Variants in ZNF208 observed in about 807,000 individuals in gnomAD.
The protein encoded by ZNF208 is zinc finger protein 95.
In ZNF208, 10 loss-of-function variants were observed where a neutral mutation model predicts 12.1. That is an observed-to-expected ratio of 0.83 (90% CI 0.51 to 1.40). ZNF208 has a LOEUF of 1.40. Among genes scored for constraint, ZNF208 ranks in the 40% most tolerant of loss-of-function variants. The pLI is 0.00. For missense variants in ZNF208, 1,652 were observed against 1,485.0 expected (o/e 1.11, Z -1.85); for synonymous variants, 497 against 488.4 (o/e 1.02, Z -0.23).
intron 4 of ZNF208, among the ~76,000 whole-genome samples, chr19:21,946,935 C>T (rs1021337074): frequency 6.7e-6 from 1 of 148,542 alleles, no homozygotes; most frequent in African/African-American, 2.5e-5. Context: ...GGCACAAGAA[C>T]TTCCAGTCTT....
intron 1 of ZNF208, among the ~76,000 whole-genome samples, chr19:22,000,100 A>C: frequency 6.6e-6 from 1 of 152,238 alleles, no homozygotes; most frequent in Non-Finnish European, 1.5e-5. Flanking sequence ...TCAGAATCTG[A>C]CACAGTAATA....
chr19:21,954,572 C>T (rs540444104), intron 4 of ZNF208, among the ~76,000 whole-genome samples: 1 of 152,132 alleles, frequency 6.6e-6, no homozygotes, highest in African/African-American at 2.4e-5. Flanking sequence ...TGCATTGATC[C>T]CTTTACCATT....
At chr19:21,963,634 G>C (rs918147526), downstream of ZNF208, among the ~76,000 whole-genome samples, 7 of 151,942 alleles carry the variant, frequency 4.6e-5, no homozygotes, top group Non-Finnish European at 1.5e-5. Context: ...TGCATAGCTA[G>C]ACACTTATTG....
intron 1 of ZNF208, among the ~76,000 whole-genome samples, chr19:21,994,484 G>C (rs1387912095): frequency 2.0e-5 from 3 of 152,122 alleles, no homozygotes; most frequent in Non-Finnish European, 4.4e-5. Flanking sequence ...ATATGAACAG[G>C]GCTGGGGCAG....
chr19:21,951,256 C>G (rs1056081539), intron 4 of ZNF208, among the ~76,000 whole-genome samples: 3 of 152,100 alleles, frequency 2.0e-5, no homozygotes, highest in African/African-American at 7.2e-5. Context: ...TTTATCTGCT[C>G]CTAGCACATA....
chr19:21,991,185 G>C (rs1297024467), intron 1 of ZNF208, among the ~76,000 whole-genome samples: 1 of 152,116 alleles, frequency 6.6e-6, no homozygotes, highest in Admixed American at 6.5e-5. Context: ...TCTTGTGCCA[G>C]TTTTCAAAGG....
At chr19:21,999,979 T>G (rs1970913875) in intron 1 of ZNF208, among the ~76,000 whole-genome samples, 1 of 152,160 alleles carries the variant, frequency 6.6e-6, no homozygotes, top group South Asian at 2.1e-4. Context: ...GCACACTGTG[T>G]GCACTTGAAA....
chr19:21,985,172 T>C (rs1325031600), intron 3 of ZNF208, among the ~76,000 whole-genome samples: 2 of 152,150 alleles, frequency 1.3e-5, no homozygotes, highest in East Asian at 3.9e-4. Flanking sequence ...TTGTATGAGA[T>C]AGAGAGATAT....
rs1970244456 is a variant in ZNF208 at position 21,969,736 on chromosome 19, A to G, written c.*1455T>C. Among the ~76,000 whole-genome samples, 4 of 131,124 alleles carry G rather than the reference A, an allele frequency of 3.1e-5. No individual in the cohort carries two copies. The Admixed American group carries it at 3.1e-4, about 10-fold the overall frequency. 86.0% of individuals were successfully genotyped at this position (131,124 alleles called of 152,430 possible). A position where few individuals can be genotyped will look rare whatever the true frequency, so the allele number is the denominator to read the frequency against. On this transcript the variant is annotated 3_prime_UTR_variant, in exon 4 of 4. Coordinates refer to ENST00000397126, the MANE Select transcript of ZNF208 (RefSeq NM_007153.3). ...AATCTGTGATACAAGTACATGTACT[A>G]CAACCCTCTTAATATTTATAATGTG...
Position 21,970,335 on chromosome 19 carries a change from A to T in ZNF208, c.*856T>A, listed in dbSNP as rs1987570. ...CTTAAGGACTGGTTAAGGGCATTGC[A>T]ACATTCCACACAATTGTAGGAATTC... On this transcript the variant is annotated 3_prime_UTR_variant, in exon 4 of 4. Coordinates refer to ENST00000397126, the MANE Select transcript of ZNF208 (RefSeq NM_007153.3). 6.6e-6 allele frequency among the ~76,000 whole-genome samples: 1 copy of T among 151,872 alleles called. No individual in the cohort carries two copies. The highest frequency in any genetic ancestry group is 1.5e-5 in the Non-Finnish European group (1 of 67,946).
intron 1 of ZNF208, among the ~76,000 whole-genome samples, chr19:21,990,997 G>A (rs1481358522): frequency 2.6e-5 from 4 of 152,214 alleles, no homozygotes; most frequent in African/African-American, 4.8e-5. Context: ...AGCTTAAGGA[G>A]ATTTTGGGCT....
chr19:21,949,803 C>A (rs1182854288), intron 4 of ZNF208, among the ~76,000 whole-genome samples: 2 of 152,222 alleles, frequency 1.3e-5, no homozygotes, highest in African/African-American at 2.4e-5. Flanking sequence ...TGCCTCTGAG[C>A]AGTTTTGGTG....
At chr19:21,954,722 G>A (rs961903521) in intron 4 of ZNF208, among the ~76,000 whole-genome samples, 6 of 152,096 alleles carry the variant, frequency 3.9e-5, no homozygotes, top group African/African-American at 1.4e-4. Context: ...TTGAGCCTAT[G>A]TGTGTCTCTG....
At chr19:21,980,896 C>A (rs1311969819) in intron 3 of ZNF208, among the ~76,000 whole-genome samples, 1 of 152,104 alleles carries the variant, frequency 6.6e-6, no homozygotes, top group African/African-American at 2.4e-5. Context: ...ACTGATTCCA[C>A]AGAAATACAA....
chr19:22,007,840 TTAAAAATACAAAAAGTAGCCAGGTG>T (rs1568459312), intron 1 of ZNF208, among the ~76,000 whole-genome samples: 1 of 150,726 alleles, frequency 6.6e-6, no homozygotes, highest in Non-Finnish European at 1.5e-5. Context: ...CCCATCTCTA[TTAAAAATACAAAAAGTAGCCAGGTG>T]TGGTGGCAGG....
chr19:21,945,001 T>C (rs1467120350), intron 4 of ZNF208, among the ~76,000 whole-genome samples: 1 of 152,226 alleles, frequency 6.6e-6, no homozygotes, highest in Non-Finnish European at 1.5e-5. Flanking sequence ...ATGCACATTT[T>C]GATTTTACCT....
Position 21,972,262 on chromosome 19 carries a change from T to A in ZNF208, c.2772A>T (p.Lys924Asn), listed in dbSNP as rs1157911240. The change falls in exon 4 of 4, where the codon AAA (lysine) becomes AAT (asparagine). Residue 924 changes from lysine (K) to asparagine (N), a missense_variant. Physicochemically the swap from Lys to Asn is moderately conservative, Grantham distance 94. Around this residue, in one of 3 missense-constraint regions of ZNF208, gnomAD observed 1,239 missense variants for 1,086.2 expected, o/e 1.14. Coordinates refer to ENST00000397126, the MANE Select transcript of ZNF208 (RefSeq NM_007153.3). The stretch of plus-strand genomic sequence containing the variant: ...TAAAGACTGACAACCAGCTGAAGGC[T>A]TTGCCACATTCTTCACATTTGTAGG... Reference protein sequence around the residue: ...EKPYKCEECGKAFSWLSVFSK... With the variant: ...EKPYKCEECGNAFSWLSVFSK... The A allele has an allele frequency of 6.2e-7, 1 of 1,613,816 alleles. No homozygotes were observed. The highest frequency in any genetic ancestry group is 1.1e-5 in the South Asian group (1 of 91,034).
At chr19:21,999,267 T>C (rs1970897769) in intron 1 of ZNF208, among the ~76,000 whole-genome samples, 1 of 152,184 alleles carries the variant, frequency 6.6e-6, no homozygotes, top group Non-Finnish European at 1.5e-5. Context: ...TGAAACACTA[T>C]ATTTCAAAAA....
At chr19:21,978,559 C>T (rs557705062) in intron 3 of ZNF208, among the ~76,000 whole-genome samples, 7 of 152,240 alleles carry the variant, frequency 4.6e-5, no homozygotes, top group African/African-American at 9.6e-5. Flanking sequence ...TCAGAAACCC[C>T]GTCCAAAAGT....
Sources: gnomAD v4.1 joint callset for allele counts (sites outside exome capture counted in the v4.1 genomes callset) on GRCh38, gnomAD v4.1.1 for gene constraint, gnomAD v4.1.1 regional missense constraint, MANE v1.5 for transcripts, NCBI Gene and HGNC (gene_info 2026-07-23, HGNC 2026-07-21) for gene names.